Variants in RCOR1 observed in about 807,000 individuals in gnomAD.
RCOR1 encodes the protein REST corepressor.
RCOR1 carries 12 observed loss-of-function variants against 64.0 expected under a neutral mutation model. That is an observed-to-expected ratio of 0.19 (90% CI 0.12 to 0.30). The LOEUF (loss-of-function observed/expected upper bound fraction) is 0.30. Among genes scored for constraint, RCOR1 ranks in the 10% least tolerant of loss-of-function variants. RCOR1 has a pLI of 1.00. For missense variants in RCOR1, 502 were observed against 621.2 expected, an observed-to-expected ratio of 0.81 and a Z score of 2.04; for synonymous variants, 279 against 227.2, an observed-to-expected ratio of 1.23 and a Z score of -2.05.
At chr14:102,655,993 A>G in intron 2 of RCOR1, 1 of 973,976 alleles carries the variant, frequency 1.0e-6, no homozygotes, top group Middle Eastern at 5.3e-4. Flanking sequence ...ACACACGTGA[A>G]ATAAACCTAT....
intron 2 of RCOR1, among the ~76,000 whole-genome samples, chr14:102,642,690 G>A (rs1437446904): frequency 6.6e-6 from 1 of 152,074 alleles, no homozygotes; most frequent in Non-Finnish European, 1.5e-5. Context: ...ATAAAAATAA[G>A]CCGGGTATGG....
chr14:102,637,778 A>G (rs1048502241), intron 2 of RCOR1, among the ~76,000 whole-genome samples: 2 of 152,116 alleles, frequency 1.3e-5, no homozygotes, highest in Non-Finnish European at 2.9e-5. Flanking sequence ...AGACACATTT[A>G]GTTTTTTCGG....
At chr14:102,657,858 A>G (rs1402577787) in intron 2 of RCOR1, 2 of 973,300 alleles carry the variant, frequency 2.1e-6, no homozygotes, top group Non-Finnish European at 2.4e-6. Context: ...AAAAAAAAAA[A>G]GAAGATTGAA....
rs57847726 is a variant in RCOR1 at position 102,655,951 on chromosome 14, TCACACACACACACACACA to T, written c.362-25924_362-25907del. On this transcript the variant is annotated intron_variant, in intron 2 of 11. Coordinates refer to ENST00000262241, the MANE Select transcript of RCOR1 (RefSeq NM_015156.4). ...CTGGGCAACAGAGTGAGACTTTTTGTCACACACACACACACACACACACACACACACACACACGTGAAA... is the reference window on the plus strand; with the variant it reads ...CTGGGCAACAGAGTGAGACTTTTTGTCACACACACACACACACACGTGAAA... 39 of 872,700 alleles carry T rather than the reference TCACACACACACACACACA, an allele frequency of 4.5e-5. No homozygotes were observed. In the South Asian group the frequency reaches 1.0e-3, roughly 23 times the overall value. The allele number at this position is 872,700 out of a possible 1,614,324, so 54.1% of individuals were successfully genotyped here.
At chr14:102,694,737 G>A (rs1567438402) in intron 3 of RCOR1, among the ~76,000 whole-genome samples, 1 of 152,204 alleles carries the variant, frequency 6.6e-6, no homozygotes, top group Non-Finnish European at 1.5e-5. Context: ...TACCCACCAG[G>A]TGGCACAATT....
At position 102,672,477 on chromosome 14, in the gene RCOR1, G is replaced by A. The variant is rs986745424; in HGVS notation, c.362-9418G>A. Among the ~76,000 whole-genome samples the A allele has an allele frequency of 1.2e-4, 18 of 152,226 alleles. No homozygotes were observed. The East Asian group carries it at 3.1e-3, about 26-fold the overall frequency. ...TCCGCCCGCCTCGGCTTCCCAAAGT[G>A]CTGGGATTACAGGTGTGAGCCACCA... is the stretch of plus-strand genomic sequence containing the variant. On this transcript the variant is annotated intron_variant, in intron 2 of 11. Transcript: ENST00000262241.
intron 2 of RCOR1, among the ~76,000 whole-genome samples, chr14:102,678,233 G>GAGAGGA (rs926344819): frequency 6.6e-6 from 1 of 152,104 alleles, no homozygotes; most frequent in African/African-American, 2.4e-5. Flanking sequence ...GAGGGAGAGG[G>GAGAGGA]AGAGGGAGAG....
chr14:102,716,124 T>C (rs1193045615), intron 8 of RCOR1, among the ~76,000 whole-genome samples: 2 of 152,384 alleles, frequency 1.3e-5, no homozygotes, highest in African/African-American at 4.8e-5. Context: ...GTACTTTTTA[T>C]TTGGCAGTTC....
chr14:102,677,170 C>G (rs1444589976), intron 2 of RCOR1, among the ~76,000 whole-genome samples: 1 of 137,282 alleles, frequency 7.3e-6, no homozygotes, highest in African/African-American at 2.7e-5. Context: ...GACCCCCCCC[C>G]ACCTCCCTCC....
At chr14:102,689,597 T>C (rs1480605496) in intron 3 of RCOR1, among the ~76,000 whole-genome samples, 1 of 152,200 alleles carries the variant, frequency 6.6e-6, no homozygotes, top group Non-Finnish European at 1.5e-5. Flanking sequence ...ATAAGTTATA[T>C]ATAGTAAGTG....
chr14:102,627,563 A>G (rs1894005603), intron 2 of RCOR1, among the ~76,000 whole-genome samples: 1 of 151,894 alleles, frequency 6.6e-6, no homozygotes, highest in Non-Finnish European at 1.5e-5. Flanking sequence ...AGACTGAGGC[A>G]GGAGAATCGC....
At chr14:102,654,435 T>A (rs1894680086) in intron 2 of RCOR1, among the ~76,000 whole-genome samples, 1 of 152,138 alleles carries the variant, frequency 6.6e-6, no homozygotes. Flanking sequence ...CATTTAGTAT[T>A]TGAGTAATGC....
At chr14:102,679,574 G>A (rs918125988) in intron 2 of RCOR1, among the ~76,000 whole-genome samples, 1 of 151,438 alleles carries the variant, frequency 6.6e-6, no homozygotes, top group African/African-American at 2.4e-5. Context: ...CGCCTCTCGC[G>A]TTCACGCCAT....
rs569321795 is a variant in RCOR1 at position 102,642,695 on chromosome 14, G to A, written c.362-39200G>A. Among the ~76,000 whole-genome samples the A allele has an allele frequency of 1.1e-4, 16 of 152,208 alleles. No homozygotes were observed. In the South Asian group the frequency reaches 3.3e-3, roughly 32 times the overall value. On this transcript the variant is annotated intron_variant, in intron 2 of 11. Transcript: ENST00000262241. ...TATAAAAATTATAAAAATAAGCCGGGTATGGTGGCACATGCCTATGGTCCC... is the reference window on the plus strand; with the variant it reads ...TATAAAAATTATAAAAATAAGCCGGATATGGTGGCACATGCCTATGGTCCC...
chr14:102,599,544 G>A (rs1435263530), intron 2 of RCOR1, among the ~76,000 whole-genome samples: 1 of 152,086 alleles, frequency 6.6e-6, no homozygotes, highest in Non-Finnish European at 1.5e-5. Flanking sequence ...CTTTAAAAAA[G>A]CAACCTTTAT....
intron 2 of RCOR1, among the ~76,000 whole-genome samples, chr14:102,621,381 T>G (rs1005020569): frequency 2.7e-4 from 39 of 146,588 alleles, no homozygotes; most frequent in African/African-American, 9.4e-4. Context: ...TTTTTTTTTT[T>G]TTTTTTTTTT....
At chr14:102,647,348 C>T (rs1314045019) in intron 2 of RCOR1, among the ~76,000 whole-genome samples, 2 of 152,142 alleles carry the variant, frequency 1.3e-5, no homozygotes, top group Non-Finnish European at 2.9e-5. Context: ...GATGGAGTCT[C>T]GCTCTTTCGC....
At chr14:102,595,984 C>T (rs1485378179) in intron 2 of RCOR1, among the ~76,000 whole-genome samples, 2 of 151,958 alleles carry the variant, frequency 1.3e-5, no homozygotes, top group Non-Finnish European at 2.9e-5. Flanking sequence ...ACACAGTTTT[C>T]TAGATATGGC....
intron 6 of RCOR1, among the ~76,000 whole-genome samples, chr14:102,709,651 A>G (rs1486613187): frequency 6.6e-6 from 1 of 152,210 alleles, no homozygotes; most frequent in African/African-American, 2.4e-5. Context: ...AAGAGCCTAT[A>G]AAATTATCGA....
Sources: allele counts gnomAD v4.1 joint callset (sites outside exome capture counted in the v4.1 genomes callset), GRCh38; gene constraint gnomAD v4.1.1; transcripts MANE v1.5; gene names NCBI Gene and HGNC (gene_info 2026-07-23, HGNC 2026-07-21).